NUTF2: variants seen among roughly 807,000 people sequenced by gnomAD.
The protein encoded by NUTF2 is nuclear transport factor 2.
A neutral mutation model predicts 18.5 loss-of-function variants in NUTF2; 3 were observed. The observed-to-expected ratio is 0.16, with a 90% CI of 0.07 to 0.42. The LOEUF (loss-of-function observed/expected upper bound fraction) is 0.42. Ranked by LOEUF, NUTF2 falls within the 10% of genes least tolerant of loss-of-function variation. The probability of loss-of-function intolerance (pLI) is 0.99; values close to 1 mark genes in which losing one functional copy is unlikely to be tolerated. For missense variants in NUTF2, 44 were observed against 160.7 expected (o/e 0.27, Z 3.93); for synonymous variants, 51 against 57.9 (o/e 0.88, Z 0.54).
At chr16:67,863,738 A>T (rs984058662) in intron 1 of NUTF2, among the ~76,000 whole-genome samples, 2 of 152,196 alleles carry the variant, frequency 1.3e-5, no homozygotes, top group African/African-American at 4.8e-5. Flanking sequence ...TATTATCAGG[A>T]CAGAGGGAGT....
chr16:67,853,666 T>C (rs1260659794), intron 1 of NUTF2, among the ~76,000 whole-genome samples: 1 of 151,986 alleles, frequency 6.6e-6, no homozygotes, highest in Non-Finnish European at 1.5e-5. Context: ...CACCTGCTAA[T>C]TTTTATATTC....
chr16:67,847,170 G>A (rs973628346), intron 1 of NUTF2, 185 bp downstream of exon 1: 1 of 152,006 alleles, frequency 6.6e-6, no homozygotes, highest in Non-Finnish European at 1.5e-5. Context: ...GTCCTGTGAG[G>A]CGGCGGCCGG....
At chr16:67,860,089 G>C (rs900965519) in intron 1 of NUTF2, among the ~76,000 whole-genome samples, 1 of 150,960 alleles carries the variant, frequency 6.6e-6, no homozygotes, top group African/African-American at 2.4e-5. Context: ...ACGCCATTCT[G>C]CTGCCTCAGC....
intron 1 of NUTF2, chr16:67,855,922 A>C: frequency 1.7e-6 from 1 of 597,532 alleles, no homozygotes; most frequent in Non-Finnish European, 2.8e-6. Flanking sequence ...GAATAACTTT[A>C]TTTCATTGCG....
intron 1 of NUTF2, among the ~76,000 whole-genome samples, chr16:67,858,243 C>G (rs1471716847): frequency 6.6e-6 from 1 of 152,236 alleles, no homozygotes; most frequent in African/African-American, 2.4e-5. Flanking sequence ...TCTCGGCTCA[C>G]TACAATATTT....
chr16:67,872,494 T>A lies in NUTF2; in HGVS notation c.*1581T>A, dbSNP rs1351504730. 6.6e-6 allele frequency: 1 copy of A among 152,258 alleles called. No homozygotes were observed. Among genetic ancestry groups the A allele is most frequent in the African/African-American group, 2.4e-5 (1 of 41,422 alleles). The allele number at this position is 152,258 out of a possible 1,614,324, so 9.4% of individuals were successfully genotyped here. On this transcript the variant is annotated 3_prime_UTR_variant, in exon 5 of 5. Coordinates refer to ENST00000219169, the MANE Select transcript of NUTF2 (RefSeq NM_005796.3). Reference sequence around the variant, plus strand: ...AGGTGCCTGCTGCCTCAAACCACCTTGTGTAAAATCTGCAATACGGCTTCT... The same window carrying A: ...AGGTGCCTGCTGCCTCAAACCACCTAGTGTAAAATCTGCAATACGGCTTCT...
At chr16:67,848,009 CACTT>C (rs1234155809) in intron 1 of NUTF2, among the ~76,000 whole-genome samples, 1 of 152,168 alleles carries the variant, frequency 6.6e-6, no homozygotes, top group Non-Finnish European at 1.5e-5. Context: ...GGCTTCCCCT[CACTT>C]GCTTGCTCAC....
intron 1 of NUTF2, among the ~76,000 whole-genome samples, chr16:67,858,830 G>A (rs1472177918): frequency 1.3e-5 from 2 of 151,928 alleles, no homozygotes; most frequent in Non-Finnish European, 2.9e-5. Context: ...CTGACACCCA[G>A]CAGTGTCTTC....
At chr16:67,865,419 T>C (rs536617803) in intron 2 of NUTF2, among the ~76,000 whole-genome samples, 190 bp downstream of exon 2, 1 of 152,318 alleles carries the variant, frequency 6.6e-6, no homozygotes, top group East Asian at 1.9e-4. Context: ...TTTCCTTTTG[T>C]CAACTTCCAC....
At chr16:67,864,287 G>A (rs1378121970) in intron 1 of NUTF2, among the ~76,000 whole-genome samples, 3 of 152,288 alleles carry the variant, frequency 2.0e-5, no homozygotes, top group Middle Eastern at 3.4e-3. Flanking sequence ...AAGGCGGGTG[G>A]ATCACTTGCA....
chr16:67,851,741 C>T (rs943067132), intron 1 of NUTF2, among the ~76,000 whole-genome samples: 1 of 151,180 alleles, frequency 6.6e-6, no homozygotes, highest in Admixed American at 6.6e-5. Context: ...CAAGTCTGGG[C>T]GCAGTGGCTC....
At chr16:67,850,122 A>G (rs1203306632) in intron 1 of NUTF2, among the ~76,000 whole-genome samples, 1 of 151,794 alleles carries the variant, frequency 6.6e-6, no homozygotes, top group Admixed American at 6.6e-5. Flanking sequence ...ACAAAAAGAT[A>G]CTTTTCCTTC....
intron 1 of NUTF2, 123 bp from the exon 2 acceptor site, chr16:67,864,979 G>C (rs543384489): frequency 3.1e-4 from 183 of 596,278 alleles, no homozygotes; most frequent in Admixed American, 4.9e-4. Flanking sequence ...GCCTGTCCGT[G>C]TTCTCTGAGA....
chr16:67,849,602 A>T (rs940120057), intron 1 of NUTF2, among the ~76,000 whole-genome samples: 14 of 151,650 alleles, frequency 9.2e-5, no homozygotes, highest in Non-Finnish European at 5.9e-5. Context: ...GGCCTCCCCA[A>T]AGTGCTGGGA....
chr16:67,847,054 G>A (rs1483022085), intron 1 of NUTF2, 69 bp downstream of exon 1: 1 of 151,578 alleles, frequency 6.6e-6, no homozygotes, highest in Non-Finnish European at 1.5e-5. Flanking sequence ...GCTGCCGGGA[G>A]GCTCCGCTGA....
chr16:67,850,832 G>A (rs916214140), intron 1 of NUTF2, among the ~76,000 whole-genome samples: 5 of 151,350 alleles, frequency 3.3e-5, no homozygotes, highest in Non-Finnish European at 5.9e-5. Context: ...ACAGAGCCTC[G>A]CTCTGTTGCC....
intron 1 of NUTF2, among the ~76,000 whole-genome samples, chr16:67,851,584 C>T (rs1280520771): frequency 1.3e-5 from 2 of 152,100 alleles, no homozygotes; most frequent in South Asian, 2.1e-4. Flanking sequence ...GTATACATAA[C>T]GCCATGTTGA....
At chr16:67,857,089 C>T (rs966036978) in intron 1 of NUTF2, among the ~76,000 whole-genome samples, 4 of 152,162 alleles carry the variant, frequency 2.6e-5, no homozygotes, top group African/African-American at 9.7e-5. Flanking sequence ...TTGGCCAGGC[C>T]ACAGGAGTGG....
intron 2 of NUTF2, 66 bp downstream of exon 2, chr16:67,865,295 T>A: frequency 8.6e-7 from 1 of 1,161,788 alleles, no homozygotes; most frequent in Non-Finnish European, 1.3e-6. Context: ...GGCCAGTGTG[T>A]CCAGTTCACA....
Sources: gnomAD v4.1 joint callset for allele counts (sites outside exome capture counted in the v4.1 genomes callset) on GRCh38, gnomAD v4.1.1 for gene constraint, MANE v1.5 for transcripts, NCBI Gene and HGNC (gene_info 2026-07-23, HGNC 2026-07-21) for gene names.